CTNNA3: variants seen among roughly 807,000 people sequenced by gnomAD.
The protein encoded by CTNNA3 is catenin alpha-3.
A neutral mutation model predicts 95.7 loss-of-function variants in CTNNA3; 76 were observed. The ratio of observed to expected loss-of-function variants is 0.79; its 90% confidence interval spans 0.66 to 0.96. The LOEUF is 0.96. CTNNA3 is among the 40% of genes least tolerant of loss of function. The pLI is 0.00. For missense variants in CTNNA3, 1,191 were observed against 1,089.8 expected (o/e 1.09, Z -1.31); for synonymous variants, 431 against 374.4 (o/e 1.15, Z -1.74).
intron 7 of CTNNA3, among the ~76,000 whole-genome samples, chr10:67,143,425 T>TAAAAAAAAGAAAAAAAAAAA (rs1860687171): frequency 1.3e-5 from 1 of 76,006 alleles, no homozygotes; most frequent in African/African-American, 4.9e-5. Context: ...GGCTCTGTCT[T>TAAAAAAAAGAAAAAAAAAAA]AAAAAAAAAA....
At chr10:66,587,821 G>C (rs1395516080) in intron 10 of CTNNA3, among the ~76,000 whole-genome samples, 1 of 152,188 alleles carries the variant, frequency 6.6e-6, no homozygotes, top group Non-Finnish European at 1.5e-5. Flanking sequence ...CGTCCCAGTG[G>C]AGACCAGTGA....
chr10:66,718,599 T>C (rs1848528528), intron 9 of CTNNA3, among the ~76,000 whole-genome samples: 1 of 150,160 alleles, frequency 6.7e-6, no homozygotes, highest in African/African-American at 2.4e-5. Flanking sequence ...TAAATAAATT[T>C]ATAATAAAAC....
intron 9 of CTNNA3, among the ~76,000 whole-genome samples, chr10:66,691,974 T>C (rs1564622083): frequency 6.6e-6 from 1 of 151,984 alleles, no homozygotes; most frequent in Non-Finnish European, 1.5e-5. Context: ...ATCGCCATCA[T>C]CAAAGACCAA....
At chr10:67,043,873 T>C (rs1350958471) in intron 7 of CTNNA3, among the ~76,000 whole-genome samples, 2 of 151,586 alleles carry the variant, frequency 1.3e-5, no homozygotes, top group African/African-American at 4.8e-5. Flanking sequence ...CCCAACATTC[T>C]GTTCTGTAGG....
chr10:67,041,451 A>G (rs1435936541), intron 7 of CTNNA3, among the ~76,000 whole-genome samples: 2 of 152,096 alleles, frequency 1.3e-5, no homozygotes, highest in Non-Finnish European at 2.9e-5. Flanking sequence ...CAGAAAAGAT[A>G]TTGGAAAGGT....
intron 13 of CTNNA3, among the ~76,000 whole-genome samples, chr10:66,197,484 C>T (rs932685897): frequency 3.3e-5 from 5 of 152,140 alleles, no homozygotes; most frequent in African/African-American, 4.8e-5. Flanking sequence ...TATCACATAA[C>T]TTTATCATAA....
chr10:66,379,452 A>G (rs1002736517), intron 11 of CTNNA3, 100 bp from the exon 12 acceptor site: 1 of 981,862 alleles, frequency 1.0e-6, no homozygotes, highest in Admixed American at 2.4e-5. Flanking sequence ...CTTCAGATAG[A>G]GTGCACATTG....
At position 67,539,674 on chromosome 10, in the gene CTNNA3, A is replaced by C. The variant is rs1396160174; in HGVS notation, c.293-5T>G. The C allele has an allele frequency of 6.2e-7, 1 of 1,613,096 alleles. No homozygotes were observed. The highest frequency in any genetic ancestry group is 1.1e-5 in the South Asian group (1 of 91,046). The stretch of plus-strand genomic sequence containing the variant: ...CTGATACTTTCAGAGCTTCACCTGA[A>C]AAATACAACCCCATATAAGTTATAC... On this transcript the variant is annotated splice_region_variant and splice_polypyrimidine_tract_variant and intron_variant, in intron 3 of 17. Transcript: ENST00000433211.
chr10:67,736,754 T>C (rs1841305218), intron 1 of CTNNA3, among the ~76,000 whole-genome samples: 1 of 152,054 alleles, frequency 6.6e-6, no homozygotes, highest in African/African-American at 2.4e-5. Flanking sequence ...CCGGCCCACA[T>C]TTTTTAAAAG....
chr10:67,106,937 T>C (rs1170927345), intron 7 of CTNNA3, among the ~76,000 whole-genome samples: 2 of 152,116 alleles, frequency 1.3e-5, no homozygotes, highest in Non-Finnish European at 2.9e-5. Flanking sequence ...AGAAAAGACA[T>C]CCATATTCAA....
chr10:65,983,638 C>T (rs910043501), intron 16 of CTNNA3, among the ~76,000 whole-genome samples: 4 of 151,342 alleles, frequency 2.6e-5, no homozygotes, highest in African/African-American at 7.3e-5. Flanking sequence ...CTAAAGGAGA[C>T]AAAATTTGTG....
intron 9 of CTNNA3, among the ~76,000 whole-genome samples, chr10:66,759,440 C>T (rs1195396496): frequency 1.3e-5 from 2 of 152,108 alleles, no homozygotes; most frequent in Non-Finnish European, 2.9e-5. Flanking sequence ...ACGTTGTTGT[C>T]CACATTTCAA....
intron 11 of CTNNA3, among the ~76,000 whole-genome samples, chr10:66,513,495 G>A (rs144325400): frequency 5.9e-5 from 9 of 152,286 alleles, no homozygotes; most frequent in Admixed American, 1.3e-4. Flanking sequence ...GAGTGCACAC[G>A]CACCTCTGGT....
At chr10:67,680,991 C>A (rs1229588806) in intron 1 of CTNNA3, among the ~76,000 whole-genome samples, 1 of 152,034 alleles carries the variant, frequency 6.6e-6, no homozygotes, top group Non-Finnish European at 1.5e-5. Flanking sequence ...AGGAAAGAGA[C>A]CGTTTATGAT....
intron 11 of CTNNA3, among the ~76,000 whole-genome samples, chr10:66,520,242 A>ATTTTTTT (rs1186356819): frequency 1.7e-5 from 2 of 114,616 alleles, no homozygotes. Context: ...ATTTAGTATT[A>ATTTTTTT]TTCTTTTTTT....
At chr10:66,851,747 C>T (rs1279678802) in intron 7 of CTNNA3, among the ~76,000 whole-genome samples, 3 of 152,000 alleles carry the variant, frequency 2.0e-5, no homozygotes, top group Non-Finnish European at 2.9e-5. Context: ...AGAAGCTGAG[C>T]AGATGTCCAG....
At chr10:67,564,386 C>T (rs141646892) in intron 3 of CTNNA3, among the ~76,000 whole-genome samples, 1,749 of 147,080 alleles carry the variant, frequency 0.012, 111 homozygotes, top group African/African-American at 0.041. Flanking sequence ...AGCAAACTAT[C>T]GCAAGGACAG....
chr10:66,845,729 A>AAAAAAAAAAAAAAAAAAAAAAAAAAAAC (rs1297933220), intron 7 of CTNNA3, among the ~76,000 whole-genome samples: 3 of 87,736 alleles, frequency 3.4e-5, no homozygotes, highest in Non-Finnish European at 7.7e-5. Flanking sequence ...AAAAAAAAAA[A>AAAAAAAAAAAAAAAAAAAAAAAAAAAAC]CTAAAAAGGT....
chr10:66,180,846 C>T (rs879288893), intron 13 of CTNNA3, among the ~76,000 whole-genome samples: 5 of 152,138 alleles, frequency 3.3e-5, no homozygotes, highest in African/African-American at 4.8e-5. Context: ...AAGTGAAACA[C>T]TACTCTGCTG....
Sources: gnomAD v4.1 joint callset for allele counts (sites outside exome capture counted in the v4.1 genomes callset) on GRCh38, gnomAD v4.1.1 for gene constraint, MANE v1.5 for transcripts, NCBI Gene and HGNC (gene_info 2026-07-23, HGNC 2026-07-21) for gene names.